ADAMTS12: variants seen among roughly 807,000 people sequenced by gnomAD.
The protein encoded by ADAMTS12 is ADAM metallopeptidase with thrombospondin type 1 motif 12.
Under a neutral mutation model 167.8 loss-of-function variants are expected in ADAMTS12, and 118 were observed. The observed-to-expected ratio is 0.70, with a 90% CI of 0.61 to 0.82. ADAMTS12 has a LOEUF of 0.82. Ranked by LOEUF, ADAMTS12 falls within the 40% of genes least tolerant of loss-of-function variation. The probability of loss-of-function intolerance (pLI) is 0.00; values close to 1 mark genes in which losing one functional copy is unlikely to be tolerated. For missense variants in ADAMTS12, 1,916 were observed against 1,998.8 expected (o/e 0.96, Z 0.79); for synonymous variants, 704 against 716.9 (o/e 0.98, Z 0.29).
intron 16 of ADAMTS12, among the ~76,000 whole-genome samples, chr5:33,611,358 A>C (rs1299299411): frequency 2.0e-5 from 3 of 151,656 alleles, no homozygotes; most frequent in African/African-American, 7.3e-5. Flanking sequence ...TTTGTCTTTA[A>C]TAGTAAAGAT....
intron 19 of ADAMTS12, among the ~76,000 whole-genome samples, chr5:33,572,978 A>G (rs544233554): frequency 2.7e-5 from 4 of 150,852 alleles, no homozygotes; most frequent in African/African-American, 9.8e-5. Flanking sequence ...GAGCCAAATC[A>G]TGAGTGAACT....
intron 2 of ADAMTS12, among the ~76,000 whole-genome samples, chr5:33,877,638 G>A (rs769601071): frequency 1.3e-5 from 2 of 152,180 alleles, no homozygotes; most frequent in Non-Finnish European, 2.9e-5. Context: ...TAGTGAAAAC[G>A]GTGGAGATGA....
At chr5:33,727,366 G>A (rs1033664428) in intron 3 of ADAMTS12, among the ~76,000 whole-genome samples, 9 of 152,128 alleles carry the variant, frequency 5.9e-5, no homozygotes, top group African/African-American at 1.2e-4. Context: ...GCATTTCATC[G>A]CTTTGCAGCT....
intron 3 of ADAMTS12, among the ~76,000 whole-genome samples, chr5:33,709,467 A>AATG (rs1743317047): frequency 6.6e-6 from 1 of 152,236 alleles, no homozygotes; most frequent in Non-Finnish European, 1.5e-5. Flanking sequence ...AATGCCCATC[A>AATG]ATGATAGACT....
intron 3 of ADAMTS12, among the ~76,000 whole-genome samples, chr5:33,725,183 T>C (rs942024317): frequency 3.9e-5 from 6 of 152,204 alleles, no homozygotes; most frequent in African/African-American, 1.4e-4. Context: ...TATGATTCTG[T>C]AGAAACATTG....
chr5:33,681,563 T>C (rs967332104), intron 5 of ADAMTS12, among the ~76,000 whole-genome samples: 2 of 152,150 alleles, frequency 1.3e-5, no homozygotes, highest in African/African-American at 4.8e-5. Flanking sequence ...ATTATCACAT[T>C]CTGGTAGAGG....
chr5:33,798,740 GC>G (rs964713304), intron 2 of ADAMTS12, among the ~76,000 whole-genome samples: 5 of 151,982 alleles, frequency 3.3e-5, no homozygotes, highest in Admixed American at 2.0e-4. Context: ...ACTCCTAGCG[GC>G]TTCTTATAAG....
intron 2 of ADAMTS12, among the ~76,000 whole-genome samples, chr5:33,769,705 T>C (rs1035494221): frequency 2.0e-5 from 3 of 152,186 alleles, no homozygotes; most frequent in African/African-American, 7.2e-5. Flanking sequence ...AGGTATTTTG[T>C]TGATTTGGGA....
At chr5:33,593,704 G>A (rs2112026002) in intron 17 of ADAMTS12, among the ~76,000 whole-genome samples, 1 of 152,096 alleles carries the variant, frequency 6.6e-6, no homozygotes, top group South Asian at 2.1e-4. Flanking sequence ...AGGGGTGGGA[G>A]AGCATTAGGA....
At chr5:33,739,441 C>T (rs1744488516) in intron 3 of ADAMTS12, among the ~76,000 whole-genome samples, 1 of 151,712 alleles carries the variant, frequency 6.6e-6, no homozygotes, top group Admixed American at 6.6e-5. Flanking sequence ...AACCAAATAC[C>T]ACATTTCAGA....
At chr5:33,627,002 G>A (rs956360503) in intron 13 of ADAMTS12, among the ~76,000 whole-genome samples, 4 of 150,336 alleles carry the variant, frequency 2.7e-5, no homozygotes, top group African/African-American at 7.4e-5. Context: ...GGTAATGGTG[G>A]TGGTGATGCA....
chr5:33,850,010 T>C (rs1054546240), intron 2 of ADAMTS12, among the ~76,000 whole-genome samples: 1 of 152,124 alleles, frequency 6.6e-6, no homozygotes, highest in East Asian at 1.9e-4. Flanking sequence ...CTTTTAAGTT[T>C]TGTAGCATGT....
At chr5:33,759,277 T>C (rs550212972) in intron 2 of ADAMTS12, among the ~76,000 whole-genome samples, 8 of 152,312 alleles carry the variant, frequency 5.3e-5, no homozygotes, top group Admixed American at 3.3e-4. Context: ...AAATCAACCA[T>C]AGACGCCAGG....
rs1382436361 is a variant in ADAMTS12, at chr5:33,524,351, A to C, written c.*2837T>G. The C allele has an allele frequency of 6.6e-6, 1 of 152,224 alleles. No individual in the cohort carries two copies. The highest frequency in any genetic ancestry group is 2.4e-5 in the African/African-American group (1 of 41,456). 9.4% of individuals were successfully genotyped at this position (152,224 alleles called of 1,614,324 possible). ...CCACAACTTTCCAGAGAAGAGCTAA[A>C]TATACTACTGTGAAAGACAACGTAA... On this transcript the variant is annotated 3_prime_UTR_variant, in exon 24 of 24. Transcript: ENST00000504830.
At chr5:33,601,225 T>G (rs1738173423) in intron 16 of ADAMTS12, among the ~76,000 whole-genome samples, 1 of 152,036 alleles carries the variant, frequency 6.6e-6, no homozygotes. Context: ...CTGAGTAATC[T>G]TGGACAATCC....
chr5:33,849,596 GTATTGCATAGCAATATATA>G lies in ADAMTS12; in HGVS notation c.489+31504_489+31522del, dbSNP rs1561307071. ...GTGTATTGCATAGCAATACACATAT[GTATTGCATAGCAATATATA>G]TGTATTGCATAGCAATATATATGTA... is the stretch of plus-strand genomic sequence containing the variant. On this transcript the variant is annotated intron_variant, in intron 2 of 23. Coordinates refer to ENST00000504830, the MANE Select transcript of ADAMTS12 (RefSeq NM_030955.4). Among the ~76,000 whole-genome samples, 74 of 63,226 alleles carry G rather than the reference GTATTGCATAGCAATATATA, an allele frequency of 1.2e-3. 2 individuals are homozygous for G. Among genetic ancestry groups the G allele is most frequent in the East Asian group, 4.9e-3 (6 of 1,224 alleles). 41.5% of individuals were successfully genotyped at this position (63,226 alleles called of 152,430 possible).
intron 17 of ADAMTS12, among the ~76,000 whole-genome samples, chr5:33,594,461 T>C (rs7730682): frequency 0.23 from 34,357 of 152,134 alleles, 3,917 homozygotes; most frequent in Middle Eastern, 0.26. Context: ...TGTGCCTAAT[T>C]AACATTCTCA....
chr5:33,649,782 T>A, intron 7 of ADAMTS12, 85 bp from the exon 8 acceptor site: 6 of 1,536,942 alleles, frequency 3.9e-6, no homozygotes, highest in Non-Finnish European at 5.3e-6. Context: ...AAGAGCGTAA[T>A]AACTCACAGA....
At chr5:33,632,659 T>C (rs529011907) in intron 12 of ADAMTS12, among the ~76,000 whole-genome samples, 2 of 152,262 alleles carry the variant, frequency 1.3e-5, no homozygotes, top group East Asian at 3.9e-4. Context: ...ATAGAAGTAC[T>C]AAAGGGAGCA....
Sources: gnomAD v4.1 joint callset for allele counts (sites outside exome capture counted in the v4.1 genomes callset) on GRCh38, gnomAD v4.1.1 for gene constraint, MANE v1.5 for transcripts, NCBI Gene and HGNC (gene_info 2026-07-23, HGNC 2026-07-21) for gene names.